COL26A1: variants seen among roughly 807,000 people sequenced by gnomAD.
COL26A1 encodes the protein collagen type XXVI alpha 1 chain, also known as collagen alpha-1(XXVI) chain.
COL26A1 carries 41 observed loss-of-function variants against 59.3 expected under a neutral mutation model. The observed-to-expected ratio is 0.69, with a 90% CI of 0.54 to 0.90. The LOEUF (loss-of-function observed/expected upper bound fraction) is 0.90. COL26A1 is among the 40% of genes least tolerant of loss of function. The pLI, the probability that COL26A1 is intolerant of heterozygous loss-of-function variation, is 0.00. For synonymous variants in COL26A1, 266 were observed against 256.0 expected (o/e 1.04, Z -0.37); for missense variants, 612 against 602.3 (o/e 1.02, Z -0.17).
chr7:101,549,942 G>T (rs1163736201), intron 9 of COL26A1, among the ~76,000 whole-genome samples: 1 of 152,162 alleles, frequency 6.6e-6, no homozygotes, highest in African/African-American at 2.4e-5. Context: ...CTAACCCCAG[G>T]TTCGCCCTGC....
intron 2 of COL26A1, among the ~76,000 whole-genome samples, chr7:101,425,527 C>T (rs899916014): frequency 1.3e-5 from 2 of 152,034 alleles, no homozygotes; most frequent in Non-Finnish European, 2.9e-5. Context: ...GATGGAGTCT[C>T]ATTCTGTCAC....
intron 3 of COL26A1, among the ~76,000 whole-genome samples, chr7:101,517,267 T>G (rs904471601): frequency 2.6e-5 from 4 of 152,200 alleles, no homozygotes; most frequent in Admixed American, 1.3e-4. Flanking sequence ...TGTTCCTCCG[T>G]TGGGTGTCTA....
chr7:101,418,212 A>G (rs1310225508), intron 1 of COL26A1, among the ~76,000 whole-genome samples: 4 of 152,002 alleles, frequency 2.6e-5, no homozygotes, highest in Admixed American at 2.6e-4. Flanking sequence ...CCCGGGTCCT[A>G]CCTGTCCAGC....
intron 3 of COL26A1, among the ~76,000 whole-genome samples, chr7:101,515,666 G>T (rs1288034335): frequency 6.6e-6 from 1 of 150,596 alleles, no homozygotes; most frequent in Non-Finnish European, 1.5e-5. Flanking sequence ...TCGGCTTGCT[G>T]CAAGCTTTGC....
chr7:101,401,126 C>G (rs762729413), intron 1 of COL26A1, among the ~76,000 whole-genome samples: 1 of 152,196 alleles, frequency 6.6e-6, no homozygotes, highest in African/African-American at 2.4e-5. Flanking sequence ...GTCATACCAG[C>G]TCTTTGCAGA....
At chr7:101,477,748 C>G (rs61499663) in intron 3 of COL26A1, among the ~76,000 whole-genome samples, 10 of 152,136 alleles carry the variant, frequency 6.6e-5, no homozygotes, top group African/African-American at 2.4e-4. Flanking sequence ...GACTTTGAAC[C>G]TATCTTGTTT....
intron 3 of COL26A1, among the ~76,000 whole-genome samples, chr7:101,456,092 C>A (rs777617832): frequency 1.3e-5 from 2 of 151,198 alleles, no homozygotes; most frequent in Non-Finnish European, 2.9e-5. Context: ...TATACACACA[C>A]TTTATTAAAT....
At chr7:101,473,663 C>A (rs1428300278) in intron 3 of COL26A1, among the ~76,000 whole-genome samples, 2,653 of 146,890 alleles carry the variant, frequency 0.018, 35 homozygotes, top group Non-Finnish European at 0.029. Context: ...CAAACACACA[C>A]AACAAAAAAC....
intron 4 of COL26A1, 74 bp from the exon 5 acceptor site, chr7:101,539,819 T>C: frequency 6.9e-7 from 1 of 1,456,542 alleles, no homozygotes; most frequent in Non-Finnish European, 9.3e-7. Flanking sequence ...TGCACATGCA[T>C]GTCCCTGTGT....
At chr7:101,437,540 C>T (rs1263571156) in intron 2 of COL26A1, among the ~76,000 whole-genome samples, 1 of 151,894 alleles carries the variant, frequency 6.6e-6, no homozygotes, top group African/African-American at 2.4e-5. Context: ...GGCAGAAGTC[C>T]ACAAGGTTAG....
In COL26A1 at chr7:101,541,452, C is replaced by T. The variant is rs183496574; in HGVS notation, c.604+1403C>T. Among the ~76,000 whole-genome samples, 8 of 151,982 alleles carry T rather than the reference C, an allele frequency of 5.3e-5. No homozygotes were observed. The East Asian group carries it at 1.5e-3, about 29-fold the overall frequency. On this transcript the variant is annotated intron_variant, in intron 5 of 12. Transcript: ENST00000313669. ...CTTCATCTCCGAGGCTCAGGTGATC[C>T]TCCTGCCTCAGCCTCCCAAGTAGTT...
chr7:101,445,467 C>T, intron 2 of COL26A1, among the ~76,000 whole-genome samples: 1 of 151,582 alleles, frequency 6.6e-6, no homozygotes, highest in Non-Finnish European at 1.5e-5. Context: ...CGCGGTGGCT[C>T]ACGCCTGTAA....
intron 3 of COL26A1, among the ~76,000 whole-genome samples, chr7:101,528,888 A>G (rs991128386): frequency 2.3e-4 from 35 of 152,120 alleles, no homozygotes; most frequent in African/African-American, 8.2e-4. Context: ...TTTTAAGGCT[A>G]GGTGCTGTGG....
Position 101,508,213 on chromosome 7 carries a change from T to C in COL26A1, c.386-24869T>C, listed in dbSNP as rs183208218. Among the ~76,000 whole-genome samples the C allele has an allele frequency of 9.6e-4, 146 of 152,296 alleles. 1 individual carries two copies. Among genetic ancestry groups the C allele is most frequent in the African/African-American group, 3.1e-3 (130 of 41,560 alleles). On this transcript the variant is annotated intron_variant, in intron 3 of 12. Coordinates refer to ENST00000313669, the MANE Select transcript of COL26A1 (RefSeq NM_001278563.3). ...TGGAGACAGAATCCCAGCTCCGTCA[T>C]GTAACTGTTACAAAATTCCTTAACC...
intron 1 of COL26A1, among the ~76,000 whole-genome samples, chr7:101,387,768 A>ATTTTTTTTT (rs1194001209): frequency 1.1e-4 from 4 of 36,470 alleles, no homozygotes; most frequent in African/African-American, 1.5e-4. Context: ...ATATATATAT[A>ATTTTTTTTT]TATATATATA....
rs1444237472 is a variant in COL26A1, at chr7:101,512,321, G to GA, written c.386-20755dup. Reference sequence around the variant, plus strand: ...ACTCTGGATGGGGAAAATTTGGCTGGAAAAAATCAAAACCTAGCCAGGTGT... The same window carrying GA: ...ACTCTGGATGGGGAAAATTTGGCTGGAAAAAAATCAAAACCTAGCCAGGTGT... On this transcript the variant is annotated intron_variant, in intron 3 of 12. Transcript: ENST00000313669. Among the ~76,000 whole-genome samples, 11 of 152,052 alleles carry GA rather than the reference G, an allele frequency of 7.2e-5. No homozygotes were observed. The East Asian group carries it at 1.9e-3, about 27-fold the overall frequency.
At chr7:101,489,923 C>G (rs369811570) in intron 3 of COL26A1, among the ~76,000 whole-genome samples, 1 of 87,202 alleles carries the variant, frequency 1.1e-5, no homozygotes, top group East Asian at 2.6e-4. Flanking sequence ...TCTTTCTTGT[C>G]TCTCTCTCTC....
rs1404078208 is a variant in COL26A1 at position 101,557,538 on chromosome 7, C to T, written c.*8C>T. The T allele has an allele frequency of 3.7e-6, 6 of 1,603,192 alleles. No individual in the cohort carries two copies. The African/African-American group carries it at 6.7e-5, about 18-fold the overall frequency. Reference sequence around the variant, plus strand: ...GCCAGCAGCAGGAAGTGAGAGCCCACTGCTCCAGGACACCCTGTCCTGGCT... The same window carrying T: ...GCCAGCAGCAGGAAGTGAGAGCCCATTGCTCCAGGACACCCTGTCCTGGCT... On this transcript the variant is annotated 3_prime_UTR_variant, in exon 13 of 13. Coordinates refer to ENST00000313669, the MANE Select transcript of COL26A1 (RefSeq NM_001278563.3).
chr7:101,386,500 G>A (rs1041851651), intron 1 of COL26A1, among the ~76,000 whole-genome samples: 1 of 152,118 alleles, frequency 6.6e-6, no homozygotes, highest in Admixed American at 6.6e-5. Flanking sequence ...CCTGGCCCTG[G>A]CTTGCTTTGT....
Sources: allele counts gnomAD v4.1 joint callset (sites outside exome capture counted in the v4.1 genomes callset), GRCh38; gene constraint gnomAD v4.1.1; transcripts MANE v1.5; gene names NCBI Gene and HGNC (gene_info 2026-07-23, HGNC 2026-07-21).